The following WDR11 variants were observed in gnomAD, a reference collection of about 807,000 sequenced individuals.
WDR11 encodes WD repeat domain 11, also known as WD repeat-containing protein 11.
WDR11 carries 83 observed loss-of-function variants against 151.2 expected under a neutral mutation model. The ratio of observed to expected loss-of-function variants is 0.55; its 90% CI spans 0.46 to 0.66. The LOEUF is 0.66. Ranked by LOEUF, WDR11 falls within the 30% of genes least tolerant of loss-of-function variation. The probability of loss-of-function intolerance (pLI) is 0.00; values close to 1 mark genes in which losing one functional copy is unlikely to be tolerated. For missense variants in WDR11, 1,301 were observed against 1,480.9 expected (o/e 0.88, Z 1.99); for synonymous variants, 484 against 533.1 (o/e 0.91, Z 1.27).
intron 4 of WDR11, among the ~76,000 whole-genome samples, chr10:120,861,316 ATACAC>A (rs1394848875): frequency 1.3e-5 from 2 of 152,192 alleles, no homozygotes; most frequent in Non-Finnish European, 2.9e-5. Flanking sequence ...GGCTGTGTAA[ATACAC>A]TACAGGGTGC....
chr10:120,858,567 G>T (rs1846026872), intron 2 of WDR11, 76 bp from the exon 3 acceptor site: 1 of 1,554,800 alleles, frequency 6.4e-7, no homozygotes, highest in Admixed American at 1.7e-5. Flanking sequence ...ATGGGTTCTG[G>T]TTGATGTTTT....
intron 13 of WDR11, among the ~76,000 whole-genome samples, chr10:120,882,797 G>A (rs1847065125): frequency 6.6e-6 from 1 of 151,568 alleles, no homozygotes; most frequent in Non-Finnish European, 1.5e-5. Flanking sequence ...TCTTCTCTAT[G>A]ATTTTTCCAT....
chr10:120,889,215 C>G (rs1564713848), intron 17 of WDR11, 31 bp downstream of exon 17: 1 of 1,382,186 alleles, frequency 7.2e-7, no homozygotes, highest in Non-Finnish European at 1.0e-6. Context: ...CTTGTTATTT[C>G]ATTAAAAAAA....
chr10:120,890,076 A>G, intron 18 of WDR11, 67 bp downstream of exon 18: 1 of 1,137,420 alleles, frequency 8.8e-7, no homozygotes, highest in East Asian at 2.4e-5. Context: ...CTTTGTTAAA[A>G]AACTTCTTTC....
intron 19 of WDR11, among the ~76,000 whole-genome samples, chr10:120,895,333 A>G (rs1177678928): frequency 6.6e-6 from 1 of 152,212 alleles, no homozygotes; most frequent in African/African-American, 2.4e-5. Context: ...TGAGAATTAT[A>G]TAGATTGTCG....
At position 120,886,844 on chromosome 10, in the gene WDR11, C is replaced by T. The variant is rs1333291665; in HGVS notation, c.2121+8C>T. On this transcript the variant is annotated splice_region_variant and intron_variant, in intron 16 of 28. Coordinates refer to ENST00000263461, the MANE Select transcript of WDR11 (RefSeq NM_018117.12). ...GCTCGGATTCCACCAGATGTGAGTA[C>T]AACCTTGATTAAATCTTCATCAAGA... 3 of 1,613,748 alleles carry T rather than the reference C, an allele frequency of 1.9e-6. No homozygotes were observed. The highest frequency in any genetic ancestry group is 2.5e-6 in the Non-Finnish European group (3 of 1,179,878).
intron 2 of WDR11, among the ~76,000 whole-genome samples, chr10:120,855,718 G>A (rs766118376): frequency 2.6e-5 from 4 of 152,108 alleles, no homozygotes; most frequent in Non-Finnish European, 5.9e-5. Context: ...ATCATATCCT[G>A]TAATCTAGCT....
chr10:120,890,648 C>G, intron 18 of WDR11, 68 bp from the exon 19 acceptor site: 1 of 1,591,784 alleles, frequency 6.3e-7, no homozygotes, highest in South Asian at 1.1e-5. Flanking sequence ...CTTCCTTGAC[C>G]ATTTAATCTA....
chr10:120,888,306 C>T (rs143367881), intron 16 of WDR11, among the ~76,000 whole-genome samples: 27 of 152,250 alleles, frequency 1.8e-4, no homozygotes, highest in African/African-American at 5.8e-4. Flanking sequence ...ACTTTATGGA[C>T]AATAAATCCA....
Position 120,900,699 on chromosome 10 carries a change from A to G in WDR11, c.2625-337A>G, listed in dbSNP as rs546826269. 3.3e-5 allele frequency among the ~76,000 whole-genome samples: 5 copies of G among 152,324 alleles called. 1 individual carries two copies. Among genetic ancestry groups the G allele is most frequent in the African/African-American group, 9.6e-5 (4 of 41,578 alleles). ...GAATATTCATTCTGCAGAGCTCTAAATGAGCAGATTCCTTTAGTAACATTG... is the reference window on the plus strand; with the variant it reads ...GAATATTCATTCTGCAGAGCTCTAAGTGAGCAGATTCCTTTAGTAACATTG... On this transcript the variant is annotated intron_variant, in intron 20 of 28. Transcript: ENST00000263461.
chr10:120,895,401 G>T (rs1847577184), intron 19 of WDR11, among the ~76,000 whole-genome samples: 1 of 152,084 alleles, frequency 6.6e-6, no homozygotes, highest in African/African-American at 2.4e-5. Context: ...ATCCCTTTCA[G>T]TGTTAAGTGT....
At chr10:120,874,641 T>C (rs765261000) in intron 11 of WDR11, among the ~76,000 whole-genome samples, 20 of 152,098 alleles carry the variant, frequency 1.3e-4, no homozygotes, top group Non-Finnish European at 2.8e-4. Context: ...CTCCCACTTA[T>C]GAGTGAGAAC....
chr10:120,906,445 C>G (rs1848049104), intron 27 of WDR11: 1 of 1,254,078 alleles, frequency 8.0e-7, no homozygotes, highest in African/African-American at 1.5e-5. Flanking sequence ...TTATTCAAAA[C>G]TAAGGGAGGT....
At chr10:120,852,462 G>T in intron 1 of WDR11, 62 bp from the exon 2 acceptor site, 1 of 1,388,194 alleles carries the variant, frequency 7.2e-7, no homozygotes, top group Non-Finnish European at 1.0e-6. Context: ...ATTTAGGCTT[G>T]GCAAGAAAGA....
Position 120,889,442 on chromosome 10 carries a change from A to G in WDR11, c.2228+258A>G, listed in dbSNP as rs377368196. ...TTTTTAGTAGAGACGGGATTTCACC[A>G]TGTTAGCCAGGATGGTCTCGATCTC... On this transcript the variant is annotated intron_variant, in intron 17 of 28. Coordinates refer to ENST00000263461, the MANE Select transcript of WDR11 (RefSeq NM_018117.12). 6.6e-5 allele frequency: 28 copies of G among 426,784 alleles called. 1 individual carries two copies. Among genetic ancestry groups the G allele is most frequent in the South Asian group, 4.8e-4 (22 of 46,300 alleles). 26.4% of individuals were successfully genotyped at this position (426,784 alleles called of 1,614,324 possible). A position where few individuals can be genotyped will look rare whatever the true frequency, so the allele number is the denominator to read the frequency against.
chr10:120,870,923 T>C (rs760237767), intron 9 of WDR11, among the ~76,000 whole-genome samples: 10 of 152,156 alleles, frequency 6.6e-5, no homozygotes, highest in Non-Finnish European at 1.2e-4. Flanking sequence ...TTAGAAGACA[T>C]AGGTCCCTGC....
chr10:120,895,070 C>T (rs903864217), intron 19 of WDR11, among the ~76,000 whole-genome samples: 2 of 152,172 alleles, frequency 1.3e-5, no homozygotes, highest in African/African-American at 2.4e-5. Context: ...TGTTGTCTTG[C>T]TTGCATGATG....
At chr10:120,891,949 C>G (rs1475740278) in intron 19 of WDR11, among the ~76,000 whole-genome samples, 4 of 152,138 alleles carry the variant, frequency 2.6e-5, no homozygotes, top group Non-Finnish European at 4.4e-5. Flanking sequence ...TTTGCCAGCT[C>G]TGGGGAAGCA....
At chr10:120,871,883 G>A (rs779070251) in intron 10 of WDR11, among the ~76,000 whole-genome samples, 3 of 151,984 alleles carry the variant, frequency 2.0e-5, no homozygotes, top group Non-Finnish European at 4.4e-5. Context: ...AATTTATCTG[G>A]GTTCCAACTT....
Sources: allele counts gnomAD v4.1 joint callset (sites outside exome capture counted in the v4.1 genomes callset), GRCh38; gene constraint gnomAD v4.1.1; transcripts MANE v1.5; gene names NCBI Gene and HGNC (gene_info 2026-07-23, HGNC 2026-07-21).